The following ABCA8 variants were observed in gnomAD, a reference collection of about 807,000 sequenced individuals.
The protein encoded by ABCA8 is ABC-type organic anion transporter ABCA8.
A neutral mutation model predicts 192.3 loss-of-function variants in ABCA8; 177 were observed. That is an observed-to-expected ratio of 0.92 (90% CI 0.81 to 1.04). The LOEUF (loss-of-function observed/expected upper bound fraction) is 1.04. Ranked by LOEUF, ABCA8 falls within the 50% of genes least tolerant of loss-of-function variation. The pLI is 0.00. For synonymous variants in ABCA8, 642 were observed against 690.2 expected (o/e 0.93, Z 1.09); for missense variants, 1,915 against 1,904.8 (o/e 1.01, Z -0.10).
chr17:68,886,943 G>A, intron 26 of ABCA8, 74 bp downstream of exon 26: 1 of 1,014,950 alleles, frequency 9.9e-7, no homozygotes, highest in African/African-American at 1.7e-5. Context: ...TCCTACAGAG[G>A]GCAAAATTTA....
intron 21 of ABCA8, among the ~76,000 whole-genome samples, chr17:68,896,046 T>C (rs1439271847): frequency 6.6e-6 from 1 of 152,114 alleles, no homozygotes; most frequent in Non-Finnish European, 1.5e-5. Context: ...TGCTTCCAGC[T>C]CTGAAGCAAT....
intron 5 of ABCA8, among the ~76,000 whole-genome samples, chr17:68,935,539 CCTATATATATAT>C (rs2032027867): frequency 2.4e-5 from 1 of 41,820 alleles, no homozygotes; most frequent in Admixed American, 1.8e-4. Flanking sequence ...GAGTAGTATT[CCTATATATATAT>C]ATATATATAT....
At chr17:68,906,458 A>G (rs2067070366) in intron 18 of ABCA8, among the ~76,000 whole-genome samples, 1 of 152,126 alleles carries the variant, frequency 6.6e-6, no homozygotes, top group South Asian at 2.1e-4. Context: ...AAATTTAATT[A>G]ATTGTGAGAC....
chr17:68,869,325 G>A (rs3826429), intron 38 of ABCA8, among the ~76,000 whole-genome samples: 1 of 151,856 alleles, frequency 6.6e-6, no homozygotes, highest in Non-Finnish European at 1.5e-5. Flanking sequence ...TAATATACAG[G>A]CTAAGACAGT....
intron 1 of ABCA8, among the ~76,000 whole-genome samples, chr17:68,950,473 T>C (rs2068539808): frequency 6.6e-6 from 1 of 152,200 alleles, no homozygotes; most frequent in Non-Finnish European, 1.5e-5. Context: ...ATTTAAAATA[T>C]CTATAACTAA....
chr17:68,952,327 T>G (rs543724035), intron 1 of ABCA8, among the ~76,000 whole-genome samples: 6 of 152,238 alleles, frequency 3.9e-5, no homozygotes, highest in Admixed American at 3.9e-4. Flanking sequence ...CATGCCATTC[T>G]CCTGCCTCAG....
intron 17 of ABCA8, among the ~76,000 whole-genome samples, chr17:68,909,179 A>G (rs1377450822): frequency 1.3e-5 from 2 of 152,180 alleles, no homozygotes; most frequent in Non-Finnish European, 2.9e-5. Context: ...GTCATGCAGA[A>G]AGTCATTCCT....
At chr17:68,942,067 A>T in intron 2 of ABCA8, 28 bp from the exon 3 acceptor site, 1 of 1,511,926 alleles carries the variant, frequency 6.6e-7, no homozygotes, top group South Asian at 1.2e-5. Flanking sequence ...AAAGAAGATA[A>T]AATTAATATG....
At chr17:68,953,897 C>T (rs1268425143) in intron 1 of ABCA8, among the ~76,000 whole-genome samples, 2 of 152,070 alleles carry the variant, frequency 1.3e-5, no homozygotes, top group African/African-American at 2.4e-5. Context: ...AGTATAATGC[C>T]GCTCTCTGTA....
intron 14 of ABCA8, 73 bp downstream of exon 14, chr17:68,919,228 A>T (rs1405164392): frequency 7.4e-7 from 1 of 1,346,692 alleles, no homozygotes; most frequent in Non-Finnish European, 1.0e-6. Context: ...AATAATTTAA[A>T]ATTAAAACTC....
At chr17:68,904,333 TAATAATA>T (rs1325826973) in intron 19 of ABCA8, among the ~76,000 whole-genome samples, 6 of 105,764 alleles carry the variant, frequency 5.7e-5, no homozygotes, top group Non-Finnish European at 1.2e-4. Context: ...ATAATAATAA[TAATAATA>T]ATTCAGGGAT....
In ABCA8 at chr17:68,932,334, T is replaced by C. The variant is rs1418366960; in HGVS notation, c.751A>G (p.Met251Val). Residue 251 changes from methionine to valine, a missense_variant, in exon 7 of 40, where the codon ATG (methionine) becomes GTG (valine). Met to Val is a conservative substitution (Grantham distance 21, BLOSUM62 1). Transcript: ENST00000586539. ...CCCATCATTGTCATCAAGGCCTTCA[T>C]CCTTTTCCTCTCTCTTGTGACATTA... Reference protein sequence around the residue: ...SVNVTRERKRMKALMTMMGLR... With the variant: ...SVNVTRERKRVKALMTMMGLR... The C allele has an allele frequency of 6.2e-7, 1 of 1,614,148 alleles. No individual in the cohort carries two copies. The highest frequency in any genetic ancestry group is 8.5e-7 in the Non-Finnish European group (1 of 1,179,994).
Position 68,868,326 on chromosome 17 carries a change from C to A in ABCA8, c.4742G>T (p.Ser1581Ile), listed in dbSNP as rs564880838. The A allele has an allele frequency of 5.0e-6, 8 of 1,613,726 alleles. No homozygotes were observed. The highest frequency in any genetic ancestry group is 6.8e-6 in the Non-Finnish European group (8 of 1,179,708). The change falls in exon 39 of 40, where the codon AGC becomes ATC. Residue 1581 changes from serine to isoleucine, a missense_variant. Physicochemically the swap from Ser to Ile is moderately radical, Grantham distance 142 (BLOSUM62 -2). Coordinates refer to ENST00000586539, the MANE Select transcript of ABCA8 (RefSeq NM_001288985.2). ...VKQSFDLEEY[S>I]LSQSTLEQVF... ...CTGCTCCAGGGTAGACTGTGAGAGGCTGTACTCCTCTAGGTCAAAGCTCTG... is the reference window on the plus strand; with the variant it reads ...CTGCTCCAGGGTAGACTGTGAGAGGATGTACTCCTCTAGGTCAAAGCTCTG...
At position 68,877,643 on chromosome 17, in the gene ABCA8, C is replaced by T. The variant is rs774868679; in HGVS notation, c.4075G>A (p.Glu1359Lys). 4 of 1,613,682 alleles carry T rather than the reference C, an allele frequency of 2.5e-6. No homozygotes were observed. The Admixed American group carries it at 6.7e-5, about 27-fold the overall frequency. ...LKGSGGGDALEFLGYCPQENA... is the reference protein window; with the variant it reads ...LKGSGGGDALKFLGYCPQENA... Reference sequence around the variant, plus strand: ...TCCTGAGGGCAGTACCCCAGGAACTCCAGGGCATCCCCTCCACCGCTCCCT... The same window carrying T: ...TCCTGAGGGCAGTACCCCAGGAACTTCAGGGCATCCCCTCCACCGCTCCCT... Residue 1359 changes from glutamate to lysine, a missense_variant, in exon 33 of 40, where the codon GAG becomes AAG. By Grantham distance (56) the Glu-to-Lys change is moderately conservative (BLOSUM62 1). Coordinates refer to ENST00000586539, the MANE Select transcript of ABCA8 (RefSeq NM_001288985.2).
At chr17:68,907,102 A>G (rs1378750824) in intron 18 of ABCA8, among the ~76,000 whole-genome samples, 3 of 152,250 alleles carry the variant, frequency 2.0e-5, no homozygotes, top group Non-Finnish European at 4.4e-5. Flanking sequence ...AACGTCTACA[A>G]ATTTTCTTTA....
At chr17:68,892,285 A>G (rs2066638204) in intron 23 of ABCA8, among the ~76,000 whole-genome samples, 1 of 152,142 alleles carries the variant, frequency 6.6e-6, no homozygotes, top group South Asian at 2.1e-4. Context: ...GGTCACCAGA[A>G]AGACACTTGC....
At chr17:68,891,449 A>G (rs2066618770) in intron 24 of ABCA8, 40 bp downstream of exon 24, 3 of 1,440,072 alleles carry the variant, frequency 2.1e-6, no homozygotes, top group Non-Finnish European at 9.7e-7. Flanking sequence ...TCTGCTTTCA[A>G]TTATGCAAAA....
chr17:68,876,557 G>A lies in ABCA8; in HGVS notation c.4276-3C>T. On this transcript the variant is annotated splice_region_variant and splice_polypyrimidine_tract_variant and intron_variant, in intron 34 of 39. Transcript: ENST00000586539. ...AGTATGCTCAGGACAAAGCACAGCT[G>A]CAACGGGAGGAACAGCCCATCTGGT... The A allele has an allele frequency of 6.2e-7, 1 of 1,614,130 alleles. No homozygotes were observed. Among genetic ancestry groups the A allele is most frequent in the Non-Finnish European group, 8.5e-7 (1 of 1,180,004 alleles).
intron 17 of ABCA8, among the ~76,000 whole-genome samples, chr17:68,915,097 C>A (rs546561261): frequency 1.3e-3 from 191 of 152,066 alleles, no homozygotes; most frequent in African/African-American, 4.6e-3. Flanking sequence ...GAAGAATGAA[C>A]CTAGACTCCT....
Sources: allele counts gnomAD v4.1 joint callset (sites outside exome capture counted in the v4.1 genomes callset), GRCh38; gene constraint gnomAD v4.1.1; transcripts MANE v1.5; gene names NCBI Gene and HGNC (gene_info 2026-07-23, HGNC 2026-07-21).